Variants in CNTNAP2 observed in about 807,000 individuals in gnomAD.
The protein encoded by CNTNAP2 is contactin associated protein 2.
Under a neutral mutation model 155.2 loss-of-function variants are expected in CNTNAP2, and 98 were observed. The ratio of observed to expected loss-of-function variants is 0.63; its 90% CI spans 0.54 to 0.75. The LOEUF (loss-of-function observed/expected upper bound fraction) is 0.75, where lower values mean the gene tolerates loss of function less well. Among genes scored for constraint, CNTNAP2 ranks in the 30% least tolerant of loss-of-function variants. The pLI, the probability that CNTNAP2 is intolerant of heterozygous loss-of-function variation, is 0.00. For synonymous variants in CNTNAP2, 651 were observed against 631.2 expected, an observed-to-expected ratio of 1.03 and a Z score of -0.47; for missense variants, 1,727 against 1,688.1, an observed-to-expected ratio of 1.02 and a Z score of -0.40.
chr7:148,318,282 C>T (rs1355107045), intron 21 of CNTNAP2, among the ~76,000 whole-genome samples: 4 of 152,138 alleles, frequency 2.6e-5, no homozygotes, highest in Admixed American at 6.6e-5. Context: ...ACCCGGCTGT[C>T]GCCTGCTTGG....
intron 4 of CNTNAP2, among the ~76,000 whole-genome samples, chr7:147,064,687 T>A (rs946642778): frequency 6.6e-6 from 1 of 152,184 alleles, no homozygotes; most frequent in African/African-American, 2.4e-5. Context: ...AGGGGACTTA[T>A]TCAATGTCAA....
At chr7:146,296,038 A>G (rs754554693) in intron 1 of CNTNAP2, among the ~76,000 whole-genome samples, 30 of 152,152 alleles carry the variant, frequency 2.0e-4, no homozygotes, top group Admixed American at 2.6e-4. Flanking sequence ...CTTCCTTACA[A>G]CCAAAGTCAC....
intron 1 of CNTNAP2, among the ~76,000 whole-genome samples, chr7:146,125,532 C>G (rs1289881494): frequency 6.9e-6 from 1 of 145,288 alleles, no homozygotes; most frequent in Non-Finnish European, 1.5e-5. Context: ...GCCGAGATCG[C>G]GCCACTGCAC....
chr7:147,234,190 C>T (rs1367732271), intron 8 of CNTNAP2, among the ~76,000 whole-genome samples: 1 of 152,094 alleles, frequency 6.6e-6, no homozygotes, highest in Admixed American at 6.6e-5. Context: ...TCTCCAAATA[C>T]TTTTGTGTCT....
chr7:147,872,039 G>A (rs10255352), intron 13 of CNTNAP2, among the ~76,000 whole-genome samples: 5,918 of 152,244 alleles, frequency 0.039, 367 homozygotes, highest in African/African-American at 0.14. Flanking sequence ...GCCAGTGGCA[G>A]AGCCAGAAAG....
At chr7:147,370,483 C>T (rs1046423617) in intron 9 of CNTNAP2, among the ~76,000 whole-genome samples, 1 of 152,068 alleles carries the variant, frequency 6.6e-6, no homozygotes, top group Non-Finnish European at 1.5e-5. Flanking sequence ...TTCCGTGAGT[C>T]GCTTGTTAAA....
At chr7:146,250,206 C>G (rs1212247421) in intron 1 of CNTNAP2, among the ~76,000 whole-genome samples, 7 of 152,108 alleles carry the variant, frequency 4.6e-5, no homozygotes, top group Admixed American at 4.6e-4. Flanking sequence ...ATAATAGTAC[C>G]TTTGTCTGAG....
At chr7:146,501,670 A>G (rs1194454548) in intron 1 of CNTNAP2, among the ~76,000 whole-genome samples, 1 of 152,124 alleles carries the variant, frequency 6.6e-6, no homozygotes, top group East Asian at 1.9e-4. Flanking sequence ...CTTGAAAAAT[A>G]TATGCCCACC....
chr7:146,821,795 T>C (rs1415786570), intron 2 of CNTNAP2, among the ~76,000 whole-genome samples: 2 of 151,726 alleles, frequency 1.3e-5, no homozygotes, highest in Non-Finnish European at 2.9e-5. Flanking sequence ...CCAGTTAGAA[T>C]GGCAATCATT....
At chr7:147,321,059 TC>T (rs1795342974) in intron 9 of CNTNAP2, among the ~76,000 whole-genome samples, 1 of 152,222 alleles carries the variant, frequency 6.6e-6, no homozygotes, top group Non-Finnish European at 1.5e-5. Context: ...AAACATCTGT[TC>T]TTGACATAGT....
At chr7:146,281,494 T>G (rs915557198) in intron 1 of CNTNAP2, among the ~76,000 whole-genome samples, 2 of 152,156 alleles carry the variant, frequency 1.3e-5, no homozygotes, top group Non-Finnish European at 1.5e-5. Flanking sequence ...GTGTATGACT[T>G]CAGTTAAATT....
intron 12 of CNTNAP2, among the ~76,000 whole-genome samples, chr7:147,586,085 G>C (rs943371812): frequency 6.6e-6 from 1 of 152,038 alleles, no homozygotes; most frequent in Non-Finnish European, 1.5e-5. Flanking sequence ...CCAGGTTATA[G>C]GTAAATTAAA....
intron 2 of CNTNAP2, among the ~76,000 whole-genome samples, chr7:146,838,665 C>A (rs961129048): frequency 6.6e-6 from 1 of 152,100 alleles, no homozygotes; most frequent in African/African-American, 2.4e-5. Context: ...AAAAGCTATT[C>A]TATCATAGTT....
At chr7:146,567,602 C>G (rs1563138073) in intron 1 of CNTNAP2, among the ~76,000 whole-genome samples, 1 of 152,084 alleles carries the variant, frequency 6.6e-6, no homozygotes, top group Non-Finnish European at 1.5e-5. Flanking sequence ...CCTGGTTATT[C>G]TAAGTAGTGT....
chr7:147,504,446 T>C (rs1313745102), intron 11 of CNTNAP2, among the ~76,000 whole-genome samples: 22 of 152,106 alleles, frequency 1.4e-4, no homozygotes, highest in Non-Finnish European at 2.9e-5. Flanking sequence ...CCCAGCACTT[T>C]GGGAGGCCGA....
intron 11 of CNTNAP2, among the ~76,000 whole-genome samples, chr7:147,502,767 TC>T (rs1198143443): frequency 2.1e-5 from 3 of 145,162 alleles, no homozygotes; most frequent in Admixed American, 6.8e-5. Flanking sequence ...ATAAAACAAA[TC>T]ATCATGTTGT....
At chr7:147,494,556 G>A (rs982452366) in intron 11 of CNTNAP2, among the ~76,000 whole-genome samples, 4 of 150,438 alleles carry the variant, frequency 2.7e-5, no homozygotes, top group African/African-American at 4.9e-5. Flanking sequence ...GAACTTCTCC[G>A]AAGCTATAAA....
intron 13 of CNTNAP2, among the ~76,000 whole-genome samples, chr7:147,882,582 T>C (rs1460881735): frequency 6.6e-6 from 1 of 152,286 alleles, no homozygotes; most frequent in South Asian, 2.1e-4. Context: ...GCCGACCTAG[T>C]GGGACCAGAG....
chr7:147,724,002 A>G (rs1421107772), intron 13 of CNTNAP2, among the ~76,000 whole-genome samples: 1 of 151,736 alleles, frequency 6.6e-6, no homozygotes, highest in Admixed American at 6.6e-5. Flanking sequence ...TTCTCATTTC[A>G]TCTACTGCTT....
Sources: gnomAD v4.1 joint callset for allele counts (sites outside exome capture counted in the v4.1 genomes callset) on GRCh38, gnomAD v4.1.1 for gene constraint, MANE v1.5 for transcripts, NCBI Gene and HGNC (gene_info 2026-07-23, HGNC 2026-07-21) for gene names.